REPS2: variants seen among roughly 807,000 people sequenced by gnomAD.
REPS2 encodes the protein RALBP1 associated Eps domain containing 2.
REPS2 carries 23 observed loss-of-function variants against 53.6 expected under a neutral mutation model. The ratio of observed to expected loss-of-function variants is 0.43; its 90% confidence interval spans 0.31 to 0.61. The LOEUF is 0.61. Among genes scored for constraint, REPS2 ranks in the 20% least tolerant of loss-of-function variants. The probability of loss-of-function intolerance (pLI) is 0.11; values close to 1 mark genes in which losing one functional copy is unlikely to be tolerated. For synonymous variants in REPS2, 238 were observed against 218.6 expected (o/e 1.09, Z -0.78); for missense variants, 446 against 534.9 (o/e 0.83, Z 1.64).
chrX:17,195,495 G>A, the REPS2 span, among the ~76,000 whole-genome samples: 19,118 of 111,592 alleles, frequency 0.17, 1,404 homozygotes, highest in African/African-American at 0.28. Context: ...CCCTGTTCAA[G>A]TAGCTCAACA....
intron 1 of REPS2, among the ~76,000 whole-genome samples, chrX:17,000,136 A>G (rs1026802838): frequency 6.3e-5 from 7 of 111,099 alleles, no homozygotes; most frequent in African/African-American, 1.6e-4. Context: ...ATGGCATCCA[A>G]TTGCTCTGGT....
intron 1 of REPS2, among the ~76,000 whole-genome samples, chrX:17,004,823 T>C (rs2061343763): frequency 9.2e-6 from 1 of 108,234 alleles, no homozygotes; most frequent in Admixed American, 1.0e-4. Flanking sequence ...TCACTGAAAA[T>C]ATAGTTGTTA....
intron 13 of REPS2, among the ~76,000 whole-genome samples, chrX:17,097,136 A>C (rs1421302805): frequency 8.9e-6 from 1 of 111,923 alleles, no homozygotes; most frequent in Non-Finnish European, 1.9e-5. Context: ...CCATCTAACA[A>C]AAGAGTGATT....
At chrX:17,177,459 A>G in the REPS2 span, among the ~76,000 whole-genome samples, 1 of 111,779 alleles carries the variant, frequency 8.9e-6, no homozygotes, top group East Asian at 2.8e-4. Context: ...TAGAAAACAT[A>G]GAGGGGCTCA....
chrX:17,024,329 T>G (rs1190511183), intron 3 of REPS2, among the ~76,000 whole-genome samples: 1 of 106,821 alleles, frequency 9.4e-6, no homozygotes, highest in Admixed American at 1.0e-4. Flanking sequence ...TTCTTGGTAC[T>G]TGAATACTCC....
rs1178497650 is a variant in REPS2, at chrX:17,135,564, C to T, written c.1808+158C>T. 5 of 624,838 alleles carry T rather than the reference C, an allele frequency of 8.0e-6. No individual in the cohort carries two copies. The African/African-American group carries it at 1.1e-4, about 14-fold the overall frequency. 51.5% of individuals were successfully genotyped at this position (624,838 alleles called of 1,213,427 possible). On this transcript the variant is annotated intron_variant, in intron 16 of 17. Coordinates refer to ENST00000357277, the MANE Select transcript of REPS2 (RefSeq NM_004726.3). ...TGTGATGGGATTCAAGTCTCCCAGT[C>T]ACATAGAAGGCTTTATAAGCTATAG...
At chrX:17,000,409 G>A (rs2061292366) in intron 1 of REPS2, among the ~76,000 whole-genome samples, 1 of 111,850 alleles carries the variant, frequency 8.9e-6, no homozygotes, top group Admixed American at 9.5e-5. Context: ...GGGACTACAG[G>A]CACGGGCCTC....
chrX:17,124,294 G>A (rs1262528756), intron 14 of REPS2, among the ~76,000 whole-genome samples: 1 of 112,351 alleles, frequency 8.9e-6, no homozygotes, highest in Non-Finnish European at 1.9e-5. Flanking sequence ...CCTGTTGTTT[G>A]CTGGCATGCA....
intron 1 of REPS2, among the ~76,000 whole-genome samples, chrX:16,970,943 C>T: frequency 8.9e-6 from 1 of 112,596 alleles, no homozygotes; most frequent in Non-Finnish European, 1.9e-5. Context: ...TATAATGCTA[C>T]TCTGAACACT....
intron 4 of REPS2, among the ~76,000 whole-genome samples, chrX:17,027,368 ATTG>A (rs1392049551): frequency 1.8e-5 from 2 of 112,168 alleles, no homozygotes; most frequent in Non-Finnish European, 3.8e-5. Flanking sequence ...ATTTATCTGT[ATTG>A]TTGTATCAGT....
At chrX:17,119,039 C>T (rs1290022612) in intron 14 of REPS2, among the ~76,000 whole-genome samples, 1 of 112,613 alleles carries the variant, frequency 8.9e-6, no homozygotes, top group Non-Finnish European at 1.9e-5. Flanking sequence ...GCCCGATGCT[C>T]TTCTAGATGC....
At chrX:17,117,431 C>A in intron 14 of REPS2, among the ~76,000 whole-genome samples, 1 of 110,209 alleles carries the variant, frequency 9.1e-6, no homozygotes, top group South Asian at 3.9e-4. Flanking sequence ...CCTCTTCCCC[C>A]ACCCCACAAC....
At chrX:17,156,516 A>G (rs781152096), downstream of REPS2, among the ~76,000 whole-genome samples, 176 of 110,979 alleles carry the variant, frequency 1.6e-3, 1 homozygote, top group Non-Finnish European at 3.0e-3. Context: ...TATCATTGAC[A>G]TTGTTTAGAC....
chrX:16,953,628 A>T (rs1425147731), intron 1 of REPS2, among the ~76,000 whole-genome samples: 2 of 112,519 alleles, frequency 1.8e-5, no homozygotes, highest in Non-Finnish European at 3.7e-5. Context: ...ACCTTCTGCA[A>T]CTTGCTTTTC....
At chrX:17,023,239 C>G (rs372263761) in intron 3 of REPS2, among the ~76,000 whole-genome samples, 35 of 111,854 alleles carry the variant, frequency 3.1e-4, no homozygotes, top group South Asian at 2.6e-3. Flanking sequence ...AGCAGCCTGG[C>G]CAACATGGCA....
chrX:16,996,142 AAGAC>A (rs2061232256), intron 1 of REPS2, among the ~76,000 whole-genome samples: 1 of 111,410 alleles, frequency 9.0e-6, no homozygotes, highest in African/African-American at 3.3e-5. Context: ...GTGCAGGACA[AAGAC>A]AGACGAGAGG....
intron 11 of REPS2, 112 bp from the exon 12 acceptor site, chrX:17,074,002 A>G: frequency 1.9e-6 from 1 of 528,934 alleles, no homozygotes; most frequent in Non-Finnish European, 3.1e-6. Context: ...AGTTCTCCAC[A>G]TGGGCACTTT....
At chrX:17,046,961 T>C (rs1404085119) in intron 5 of REPS2, among the ~76,000 whole-genome samples, 3 of 112,464 alleles carry the variant, frequency 2.7e-5, no homozygotes, top group Middle Eastern at 4.6e-3. Flanking sequence ...CTAGTTTCTT[T>C]TTTGTCATTT....
Position 17,149,189 on chromosome X carries a change from G to A in REPS2, c.*1708G>A. On this transcript the variant is annotated 3_prime_UTR_variant, in exon 18 of 18. Coordinates refer to ENST00000357277, the MANE Select transcript of REPS2 (RefSeq NM_004726.3). ...TGCTGCCTTTTTTGTTTTTGTGGGG[G>A]AAGGGTTGGGAGTAAGTTTAAACTC... is the stretch of plus-strand genomic sequence containing the variant. 1 of 245,875 alleles carries A rather than the reference G, an allele frequency of 4.1e-6. No homozygotes were observed. Among genetic ancestry groups the A allele is most frequent in the South Asian group, 4.2e-5 (1 of 23,879 alleles). 20.3% of individuals were successfully genotyped at this position (245,875 alleles called of 1,213,427 possible). A position where few individuals can be genotyped will look rare whatever the true frequency, so the allele number is the denominator to read the frequency against.
Sources: allele counts gnomAD v4.1 joint callset (sites outside exome capture counted in the v4.1 genomes callset), GRCh38; gene constraint gnomAD v4.1.1; transcripts MANE v1.5; gene names NCBI Gene and HGNC (gene_info 2026-07-23, HGNC 2026-07-21).